The following DPP10 variants were observed in gnomAD, a reference collection of about 807,000 sequenced individuals.
The protein encoded by DPP10 is dipeptidyl peptidase like 10.
Under a neutral mutation model 120.9 loss-of-function variants are expected in DPP10, and 33 were observed. The observed-to-expected ratio is 0.27, with a 90% CI of 0.21 to 0.37. The LOEUF (loss-of-function observed/expected upper bound fraction) is 0.37. Among genes scored for constraint, DPP10 ranks in the 10% least tolerant of loss-of-function variants. The probability of loss-of-function intolerance (pLI) is 1.00; values close to 1 mark genes in which losing one functional copy is unlikely to be tolerated. For missense variants in DPP10, 816 were observed against 942.8 expected, an observed-to-expected ratio of 0.87 and a Z score of 1.76; for synonymous variants, 337 against 326.1, an observed-to-expected ratio of 1.03 and a Z score of -0.36.
chr2:115,521,095 C>T (rs2077777653), intron 4 of DPP10, among the ~76,000 whole-genome samples: 1 of 151,868 alleles, frequency 6.6e-6, no homozygotes, highest in African/African-American at 2.4e-5. Context: ...CAGAGAAACA[C>T]AATTTGAGTA....
intron 12 of DPP10, among the ~76,000 whole-genome samples, chr2:115,766,058 A>T (rs1475674040): frequency 6.6e-6 from 1 of 151,876 alleles, no homozygotes; most frequent in Admixed American, 6.6e-5. Flanking sequence ...AATTTACATG[A>T]TAGTCACTGT....
At chr2:115,645,370 A>T (rs2087150634) in intron 5 of DPP10, among the ~76,000 whole-genome samples, 1 of 152,170 alleles carries the variant, frequency 6.6e-6, no homozygotes, top group Non-Finnish European at 1.5e-5. Context: ...CTGCATGACT[A>T]TGATAAGCTG....
intron 3 of DPP10, among the ~76,000 whole-genome samples, chr2:115,386,615 T>C (rs1470921000): frequency 6.6e-6 from 1 of 152,180 alleles, no homozygotes; most frequent in Non-Finnish European, 1.5e-5. Flanking sequence ...TCTGCTGCTA[T>C]CTCAAGTTGA....
At chr2:115,181,788 T>C (rs1162617498) in intron 1 of DPP10, among the ~76,000 whole-genome samples, 1 of 152,214 alleles carries the variant, frequency 6.6e-6, no homozygotes, top group African/African-American at 2.4e-5. Context: ...CACCACAGAC[T>C]ATCATTGGCT....
intron 5 of DPP10, among the ~76,000 whole-genome samples, chr2:115,656,000 G>A (rs1195759508): frequency 1.3e-5 from 2 of 151,338 alleles, no homozygotes; most frequent in Non-Finnish European, 3.0e-5. Flanking sequence ...TTTTCAATGG[G>A]TATAAAGTTT....
intron 1 of DPP10, among the ~76,000 whole-genome samples, chr2:114,695,958 G>C (rs1208185488): frequency 6.6e-6 from 1 of 152,076 alleles, no homozygotes; most frequent in Admixed American, 6.6e-5. Context: ...TTTGTTGAAA[G>C]TCTTATAGTA....
At chr2:114,979,305 T>C (rs918584734) in intron 1 of DPP10, among the ~76,000 whole-genome samples, 1 of 151,998 alleles carries the variant, frequency 6.6e-6, no homozygotes, top group African/African-American at 2.4e-5. Context: ...TTAAAAATTC[T>C]TCTAAAATCT....
chr2:115,467,483 A>G lies in DPP10; in HGVS notation c.272-32027A>G, dbSNP rs1481324670. On this transcript the variant is annotated intron_variant, in intron 3 of 25. Coordinates refer to ENST00000410059, the MANE Select transcript of DPP10 (RefSeq NM_020868.6). ...TCCCAGCTACTCAGGAGGCTGAGGC[A>G]GGAGAATTGCTTTAACCCGGGAGGC... Among the ~76,000 whole-genome samples the G allele has an allele frequency of 1.3e-5, 2 of 151,882 alleles. 1 individual carries two copies. Among genetic ancestry groups the G allele is most frequent in the Admixed American group, 1.3e-4 (2 of 15,246 alleles).
At chr2:115,785,839 GT>G (rs35035219) in intron 17 of DPP10, among the ~76,000 whole-genome samples, 15,091 of 143,762 alleles carry the variant, frequency 0.1, 848 homozygotes, top group Non-Finnish European at 0.12. Flanking sequence ...TCTGATGTGG[GT>G]TTTTTTTTTT....
At position 115,448,316 on chromosome 2, in the gene DPP10, T is replaced by C. The variant is rs147369087; in HGVS notation, c.272-51194T>C. ...AAAATACCACCAGTCAATAAGAAGA[T>C]AATCAATTAAAAACAGGCTAATGAC... On this transcript the variant is annotated intron_variant, in intron 3 of 25. Transcript: ENST00000410059. 6.1e-3 allele frequency among the ~76,000 whole-genome samples: 933 copies of C among 152,232 alleles called. 6 individuals are homozygous for C. Among genetic ancestry groups the C allele is most frequent in the Non-Finnish European group, 6.7e-3 (456 of 67,994 alleles).
chr2:115,335,548 A>T (rs535443469), intron 2 of DPP10, among the ~76,000 whole-genome samples: 14 of 152,134 alleles, frequency 9.2e-5, no homozygotes, highest in African/African-American at 3.1e-4. Context: ...TTAAAAAGAA[A>T]ATAAGAATAG....
intron 1 of DPP10, among the ~76,000 whole-genome samples, chr2:114,802,496 T>A (rs1684338177): frequency 7.7e-6 from 1 of 130,690 alleles, no homozygotes; most frequent in African/African-American, 2.9e-5. Flanking sequence ...TTCCCTGCTC[T>A]CTTTATGATC....
chr2:115,152,811 A>G (rs1188275681), intron 1 of DPP10, among the ~76,000 whole-genome samples: 1 of 152,206 alleles, frequency 6.6e-6, no homozygotes, highest in Non-Finnish European at 1.5e-5. Flanking sequence ...AAGAACAACG[A>G]AACAGCTGAG....
chr2:114,695,294 T>C (rs1391417763), intron 1 of DPP10, among the ~76,000 whole-genome samples: 1 of 151,958 alleles, frequency 6.6e-6, no homozygotes, highest in Non-Finnish European at 1.5e-5. Context: ...AGAGAGAAGT[T>C]AAGTTGTAAT....
chr2:114,447,263 G>C (rs1193336934), intron 1 of DPP10, among the ~76,000 whole-genome samples: 1 of 151,986 alleles, frequency 6.6e-6, no homozygotes, highest in Non-Finnish European at 1.5e-5. Flanking sequence ...CCAAAGTGCT[G>C]GGATTACAGG....
intron 5 of DPP10, among the ~76,000 whole-genome samples, chr2:115,654,830 T>G (rs1324808294): frequency 6.6e-6 from 1 of 151,722 alleles, no homozygotes; most frequent in Non-Finnish European, 1.5e-5. Context: ...GCAATAAATT[T>G]TAGCATGTAA....
At chr2:115,781,435 G>A (rs2149867922) in intron 16 of DPP10, among the ~76,000 whole-genome samples, 1 of 151,962 alleles carries the variant, frequency 6.6e-6, no homozygotes, top group East Asian at 1.9e-4. Context: ...GAGTTCTTCA[G>A]TTCTGATCAA....
intron 3 of DPP10, among the ~76,000 whole-genome samples, chr2:115,444,771 A>G (rs2072412570): frequency 6.6e-6 from 1 of 152,200 alleles, no homozygotes. Flanking sequence ...TTGCAAACAT[A>G]TGTACACTTT....
At position 115,058,821 on chromosome 2, in the gene DPP10, A is replaced by G. The variant is rs181326259; in HGVS notation, c.61-250418A>G. Among the ~76,000 whole-genome samples the G allele has an allele frequency of 2.1e-3, 317 of 152,170 alleles. 2 individuals carry two copies. The highest frequency in any genetic ancestry group is 7.5e-3 in the African/African-American group (310 of 41,514). On this transcript the variant is annotated intron_variant, in intron 1 of 25. Coordinates refer to ENST00000410059, the MANE Select transcript of DPP10 (RefSeq NM_020868.6). ...AATGAATTATCTCTATTTCACAACC[A>G]TTCACAGCCTTGGTCTTCATCTTTG...
Sources: gnomAD v4.1 joint callset for allele counts (sites outside exome capture counted in the v4.1 genomes callset) on GRCh38, gnomAD v4.1.1 for gene constraint, MANE v1.5 for transcripts, NCBI Gene and HGNC (gene_info 2026-07-23, HGNC 2026-07-21) for gene names.